Variants in CTNNA3 observed in about 807,000 individuals in gnomAD.
CTNNA3 encodes the protein catenin alpha 3.
A neutral mutation model predicts 95.7 loss-of-function variants in CTNNA3; 76 were observed. The ratio of observed to expected loss-of-function variants is 0.79; its 90% CI spans 0.66 to 0.96. The LOEUF is 0.96. Among genes scored for constraint, CTNNA3 ranks in the 40% least tolerant of loss-of-function variants. The probability of loss-of-function intolerance (pLI) is 0.00; values close to 1 mark genes in which losing one functional copy is unlikely to be tolerated. For synonymous variants in CTNNA3, 431 were observed against 374.4 expected (o/e 1.15, Z -1.74); for missense variants, 1,191 against 1,089.8 (o/e 1.09, Z -1.31).
intron 5 of CTNNA3, among the ~76,000 whole-genome samples, chr10:67,380,020 C>CAAAA (rs10591803): frequency 1.8e-4 from 13 of 74,056 alleles, no homozygotes; most frequent in Admixed American, 1.9e-4. Flanking sequence ...GACTCCGTCT[C>CAAAA]AAAAAAAAAA....
At chr10:67,490,957 AG>A (rs1848625409) in intron 5 of CTNNA3, among the ~76,000 whole-genome samples, 1 of 152,198 alleles carries the variant, frequency 6.6e-6, no homozygotes, top group Non-Finnish European at 1.5e-5. Flanking sequence ...CCTTAACAGA[AG>A]AGTTCTAACC....
At chr10:67,684,816 T>G (rs1840699150) in intron 1 of CTNNA3, among the ~76,000 whole-genome samples, 1 of 152,186 alleles carries the variant, frequency 6.6e-6, no homozygotes, top group African/African-American at 2.4e-5. Context: ...AGGTGAGTAA[T>G]AGCAAGATTG....
intron 12 of CTNNA3, among the ~76,000 whole-genome samples, chr10:66,354,731 C>T (rs893668108): frequency 5.6e-4 from 85 of 152,038 alleles, no homozygotes; most frequent in African/African-American, 1.9e-3. Context: ...ACCTAGACAT[C>T]CATTACTCTA....
intron 9 of CTNNA3, among the ~76,000 whole-genome samples, chr10:66,686,121 A>G (rs915493727): frequency 1.3e-5 from 2 of 152,216 alleles, no homozygotes; most frequent in African/African-American, 4.8e-5. Context: ...ACACAAATTC[A>G]GTCAGCATGC....
chr10:67,337,814 T>C (rs1349892257), intron 5 of CTNNA3, among the ~76,000 whole-genome samples: 4 of 152,188 alleles, frequency 2.6e-5, no homozygotes, highest in Non-Finnish European at 5.9e-5. Flanking sequence ...CATTTAGCAA[T>C]AAAGTATTTT....
intron 13 of CTNNA3, among the ~76,000 whole-genome samples, chr10:66,129,876 G>C (rs2083005599): frequency 6.6e-6 from 1 of 151,952 alleles, no homozygotes; most frequent in African/African-American, 2.4e-5. Context: ...TGTGCCCTTG[G>C]GTTGGATCTT....
At chr10:67,522,492 T>G (rs749240730) in intron 4 of CTNNA3, among the ~76,000 whole-genome samples, 1 of 152,078 alleles carries the variant, frequency 6.6e-6, no homozygotes, top group Non-Finnish European at 1.5e-5. Context: ...CTCTCAGAGC[T>G]TGTATTTTGA....
intron 11 of CTNNA3, among the ~76,000 whole-genome samples, chr10:66,508,849 G>A (rs1840557010): frequency 6.6e-6 from 1 of 151,964 alleles, no homozygotes; most frequent in Admixed American, 6.6e-5. Flanking sequence ...ATAAACATGG[G>A]GTTGCAGATA....
intron 17 of CTNNA3, among the ~76,000 whole-genome samples, chr10:65,936,616 A>G (rs1302844321): frequency 3.9e-5 from 6 of 152,094 alleles, no homozygotes; most frequent in African/African-American, 9.7e-5. Flanking sequence ...TAGATGTGCT[A>G]TAAGGATCTC....
chr10:66,419,557 A>G (rs375402733), intron 11 of CTNNA3, among the ~76,000 whole-genome samples: 3 of 152,302 alleles, frequency 2.0e-5, no homozygotes, highest in African/African-American at 7.2e-5. Context: ...TTCATTTGAA[A>G]CCAAAAAATA....
chr10:67,515,646 C>A (rs1009112413), intron 5 of CTNNA3, among the ~76,000 whole-genome samples: 1 of 152,076 alleles, frequency 6.6e-6, no homozygotes, highest in Non-Finnish European at 1.5e-5. Flanking sequence ...AAATAGAATA[C>A]CACCTAAGAC....
At chr10:67,407,281 T>A (rs1845171901) in intron 5 of CTNNA3, among the ~76,000 whole-genome samples, 1 of 152,128 alleles carries the variant, frequency 6.6e-6, no homozygotes, top group Non-Finnish European at 1.5e-5. Flanking sequence ...GATCTATAAA[T>A]GTGATTTATC....
intron 10 of CTNNA3, among the ~76,000 whole-genome samples, chr10:66,551,896 C>CTTTTTTT (rs141885331): frequency 1.8e-4 from 20 of 113,964 alleles, no homozygotes; most frequent in Non-Finnish European, 2.1e-4. Context: ...TTTTCTTTTC[C>CTTTTTTT]TTTTTTTTTT....
At chr10:66,055,864 G>A (rs2080073083) in intron 15 of CTNNA3, among the ~76,000 whole-genome samples, 1 of 143,286 alleles carries the variant, frequency 7.0e-6, no homozygotes, top group Non-Finnish European at 1.5e-5. Context: ...AGAGGTTGTA[G>A]TGAGCCAAGG....
At chr10:66,848,425 AT>A (rs943021683) in intron 7 of CTNNA3, among the ~76,000 whole-genome samples, 4 of 152,142 alleles carry the variant, frequency 2.6e-5, no homozygotes, top group Non-Finnish European at 5.9e-5. Flanking sequence ...TGAAGGGCAC[AT>A]TCCCATTGTT....
chr10:67,265,619 C>G lies in CTNNA3; in HGVS notation c.580-45749G>C, dbSNP rs75265479. Among the ~76,000 whole-genome samples the G allele has an allele frequency of 0.018, 2,788 of 152,146 alleles. 233 individuals carry two copies. In the East Asian group the frequency reaches 0.25, roughly 14 times the overall value. ...TACTCCCTGCACTAGATACAAGCACCAAGAGAATACCGCATTTTCCATGGG... is the reference window on the plus strand; with the variant it reads ...TACTCCCTGCACTAGATACAAGCACGAAGAGAATACCGCATTTTCCATGGG... On this transcript the variant is annotated intron_variant, in intron 5 of 17. Coordinates refer to ENST00000433211, the MANE Select transcript of CTNNA3 (RefSeq NM_013266.4).
At chr10:66,177,966 C>T (rs1048009860) in intron 13 of CTNNA3, among the ~76,000 whole-genome samples, 12 of 151,572 alleles carry the variant, frequency 7.9e-5, no homozygotes, top group Non-Finnish European at 1.5e-4. Flanking sequence ...TTTTCATGAA[C>T]ATTTATCATG....
At chr10:66,298,332 A>G (rs895332598) in intron 12 of CTNNA3, among the ~76,000 whole-genome samples, 5 of 152,226 alleles carry the variant, frequency 3.3e-5, no homozygotes, top group African/African-American at 1.2e-4. Context: ...TTTCAAACCA[A>G]CACTGTAGGG....
At chr10:67,384,441 T>C (rs1844066658) in intron 5 of CTNNA3, among the ~76,000 whole-genome samples, 1 of 152,336 alleles carries the variant, frequency 6.6e-6, no homozygotes, top group South Asian at 2.1e-4. Flanking sequence ...ACTAAATATA[T>C]GCATTATCTT....
Sources: allele counts gnomAD v4.1 joint callset (sites outside exome capture counted in the v4.1 genomes callset), GRCh38; gene constraint gnomAD v4.1.1; transcripts MANE v1.5; gene names NCBI Gene and HGNC (gene_info 2026-07-23, HGNC 2026-07-21).